The following PARM1 variants were observed in gnomAD, a reference collection of about 807,000 sequenced individuals.
PARM1 encodes prostate androgen-regulated mucin-like protein 1.
A neutral mutation model predicts 24.6 loss-of-function variants in PARM1; 14 were observed. That is an observed-to-expected ratio of 0.57 (90% CI 0.38 to 0.89). PARM1 has a LOEUF of 0.89. Ranked by LOEUF, PARM1 falls within the 40% of genes least tolerant of loss-of-function variation. The pLI, the probability that PARM1 is intolerant of heterozygous loss-of-function variation, is 0.00. For missense variants in PARM1, 362 were observed against 380.4 expected (o/e 0.95, Z 0.40); for synonymous variants, 179 against 156.6 (o/e 1.14, Z -1.07).
intron 1 of PARM1, chr4:74,967,368 A>G (rs916512899): frequency 2.0e-5 from 3 of 152,190 alleles, no homozygotes; most frequent in African/African-American, 7.2e-5. Context: ...TTCAAACAGA[A>G]CCAGTTTTGT....
chr4:74,949,682 A>T (rs7697280), intron 1 of PARM1, among the ~76,000 whole-genome samples: 1 of 152,066 alleles, frequency 6.6e-6, no homozygotes. Flanking sequence ...TTAGAACATC[A>T]CCTAGGCAAG....
intron 1 of PARM1, among the ~76,000 whole-genome samples, chr4:75,002,774 C>CT (rs1722704999): frequency 6.6e-6 from 1 of 152,194 alleles, no homozygotes; most frequent in Non-Finnish European, 1.5e-5. Flanking sequence ...AGGTCAGTCT[C>CT]CATCTTGGCC....
intron 1 of PARM1, among the ~76,000 whole-genome samples, chr4:74,959,070 A>G (rs533984943): frequency 1.8e-4 from 28 of 152,320 alleles, no homozygotes; most frequent in Admixed American, 2.0e-4. Context: ...TCTGACTGCT[A>G]TATCAGACTA....
chr4:74,945,214 G>C (rs779496932), intron 1 of PARM1, among the ~76,000 whole-genome samples: 1 of 152,298 alleles, frequency 6.6e-6, no homozygotes, highest in African/African-American at 2.4e-5. Flanking sequence ...GGTTTAGAAG[G>C]ATACAATGGT....
At chr4:75,005,119 A>C (rs1412948034) in intron 1 of PARM1, among the ~76,000 whole-genome samples, 6 of 152,182 alleles carry the variant, frequency 3.9e-5, no homozygotes, top group Admixed American at 3.9e-4. Flanking sequence ...TGGCCTTTTC[A>C]GCAGTTCACG....
chr4:75,049,933 G>A lies in PARM1; in HGVS notation c.*3686G>A, dbSNP rs557668923. On this transcript the variant is annotated 3_prime_UTR_variant, in exon 4 of 4. Transcript: ENST00000307428. Reference sequence around the variant, plus strand: ...GATTTTAATAGTGCTAGTTGATATTGGTAATAATGCTAACCAAGAGATCAA... The same window carrying A: ...GATTTTAATAGTGCTAGTTGATATTAGTAATAATGCTAACCAAGAGATCAA... 9.8e-5 allele frequency: 14 copies of A among 142,816 alleles called. No individual in the cohort carries two copies. Among genetic ancestry groups the A allele is most frequent in the South Asian group, 2.2e-4 (1 of 4,608 alleles). 8.8% of individuals were successfully genotyped at this position (142,816 alleles called of 1,614,324 possible).
intron 2 of PARM1, among the ~76,000 whole-genome samples, chr4:75,030,671 T>A (rs769634331): frequency 9.9e-5 from 15 of 152,218 alleles, no homozygotes; most frequent in Non-Finnish European, 2.1e-4. Flanking sequence ...CCTTCAGTTC[T>A]TAATTTCTGC....
At chr4:75,006,066 AAATACT>A (rs1216588153) in intron 1 of PARM1, among the ~76,000 whole-genome samples, 2 of 152,214 alleles carry the variant, frequency 1.3e-5, no homozygotes, top group Non-Finnish European at 1.5e-5. Context: ...CTTCTCAAGG[AAATACT>A]AATACTAATT....
intron 1 of PARM1, among the ~76,000 whole-genome samples, chr4:74,954,893 C>G (rs1447613723): frequency 6.6e-6 from 1 of 152,124 alleles, no homozygotes; most frequent in Non-Finnish European, 1.5e-5. Context: ...TTTGACAGAA[C>G]CTAGGCAATT....
chr4:75,007,370 C>T (rs751712263), intron 1 of PARM1, among the ~76,000 whole-genome samples: 51 of 152,140 alleles, frequency 3.4e-4, no homozygotes, highest in Non-Finnish European at 6.8e-4. Flanking sequence ...AAGTAAGTTC[C>T]ACCAGCCTTT....
chr4:75,023,772 G>C (rs1411178180), intron 2 of PARM1, among the ~76,000 whole-genome samples: 1 of 152,182 alleles, frequency 6.6e-6, no homozygotes, highest in African/African-American at 2.4e-5. Flanking sequence ...GGCAATCTTG[G>C]GGCGTTGGGG....
chr4:74,978,573 A>G (rs1722182723), intron 1 of PARM1, among the ~76,000 whole-genome samples: 1 of 152,184 alleles, frequency 6.6e-6, no homozygotes, highest in Non-Finnish European at 1.5e-5. Context: ...ATTAACAAAG[A>G]TATTCAGGAC....
chr4:75,015,627 A>G (rs549550933), intron 2 of PARM1, among the ~76,000 whole-genome samples: 1 of 152,346 alleles, frequency 6.6e-6, no homozygotes, highest in South Asian at 2.1e-4. Context: ...TCTTAATATC[A>G]GTACTTAGTT....
At chr4:75,026,441 T>A (rs1271362741) in intron 2 of PARM1, among the ~76,000 whole-genome samples, 2 of 152,084 alleles carry the variant, frequency 1.3e-5, no homozygotes, top group Non-Finnish European at 2.9e-5. Context: ...CTAAAACAAA[T>A]TTACTAAATT....
At chr4:75,037,615 T>C (rs528949195) in intron 3 of PARM1, among the ~76,000 whole-genome samples, 2 of 152,280 alleles carry the variant, frequency 1.3e-5, no homozygotes, top group African/African-American at 4.8e-5. Flanking sequence ...TGGATGTGAC[T>C]TATAAAATGA....
chr4:74,949,584 T>C (rs1312289562), intron 1 of PARM1, among the ~76,000 whole-genome samples: 1 of 152,236 alleles, frequency 6.6e-6, no homozygotes, highest in Non-Finnish European at 1.5e-5. Context: ...AGTGCTGGGA[T>C]TACAGGCGTG....
chr4:75,013,907 A>G (rs1722929322), intron 2 of PARM1, among the ~76,000 whole-genome samples: 1 of 152,220 alleles, frequency 6.6e-6, no homozygotes, highest in Non-Finnish European at 1.5e-5. Context: ...TGCATCTGAC[A>G]TTGATGTGAA....
intron 2 of PARM1, among the ~76,000 whole-genome samples, chr4:75,018,969 G>T (rs929023850): frequency 3.3e-5 from 5 of 152,228 alleles, no homozygotes; most frequent in South Asian, 2.1e-4. Context: ...CTGTAGAAAT[G>T]AGCTAGATGG....
At chr4:75,022,311 G>T (rs28461358) in intron 2 of PARM1, among the ~76,000 whole-genome samples, 1 of 152,066 alleles carries the variant, frequency 6.6e-6, no homozygotes, top group Non-Finnish European at 1.5e-5. Flanking sequence ...AGGGGCTCCA[G>T]CTGTCAGATT....
Sources: gnomAD v4.1 joint callset for allele counts (sites outside exome capture counted in the v4.1 genomes callset) on GRCh38, gnomAD v4.1.1 for gene constraint, MANE v1.5 for transcripts, NCBI Gene and HGNC (gene_info 2026-07-23, HGNC 2026-07-21) for gene names.